PKD1L1: variants seen among roughly 807,000 people sequenced by gnomAD.
The protein encoded by PKD1L1 is polycystin 1 like 1, transient receptor potential channel interacting.
A neutral mutation model predicts 323.4 loss-of-function variants in PKD1L1; 236 were observed. The ratio of observed to expected loss-of-function variants is 0.73; its 90% CI spans 0.66 to 0.81. PKD1L1 has a LOEUF of 0.81. Ranked by LOEUF, PKD1L1 falls within the 40% of genes least tolerant of loss-of-function variation. The probability of loss-of-function intolerance (pLI) is 0.00; values close to 1 mark genes in which losing one functional copy is unlikely to be tolerated. For missense variants in PKD1L1, 3,320 were observed against 3,508.0 expected (o/e 0.95, Z 1.35); for synonymous variants, 1,344 against 1,335.0 (o/e 1.01, Z -0.15).
chr7:47,814,686 G>T (rs531549168), intron 47 of PKD1L1, among the ~76,000 whole-genome samples: 9 of 152,174 alleles, frequency 5.9e-5, no homozygotes, highest in African/African-American at 2.2e-4. Flanking sequence ...GCTAACTTTT[G>T]TATTTTTAGT....
Position 47,813,448 on chromosome 7 carries a change from T to C in PKD1L1, c.7174-155A>G, listed in dbSNP as rs557685312. On this transcript the variant is annotated intron_variant, in intron 48 of 56. Transcript: ENST00000289672. ...TAGGATCGTTCTGCAGCCTGTTTCG[T>C]GGTCTACAGACTCTAGCTCAAGCTA... 95 of 835,572 alleles carry C rather than the reference T, an allele frequency of 1.1e-4. No individual in the cohort carries two copies. In the South Asian group the frequency reaches 1.3e-3, roughly 12 times the overall value. The allele number at this position is 835,572 out of a possible 1,614,324, so 51.8% of individuals were successfully genotyped here.
At chr7:47,832,382 C>T (rs561672303) in intron 41 of PKD1L1, among the ~76,000 whole-genome samples, 2 of 152,346 alleles carry the variant, frequency 1.3e-5, no homozygotes, top group South Asian at 4.1e-4. Context: ...ACGCTGAAGG[C>T]TCACCTGCCT....
chr7:47,803,493 TG>T, intron 52 of PKD1L1, 149 bp from the exon 53 acceptor site: 1 of 873,910 alleles, frequency 1.1e-6, no homozygotes, highest in Non-Finnish European at 1.7e-6. Flanking sequence ...CAAGTGCAGA[TG>T]TCTGCAGAGG....
In PKD1L1 at chr7:47,800,815, ACC is replaced by A. The variant is rs1562935749; in HGVS notation, c.8025_8026del (p.Trp2675CysfsTer34). ...GTCTGTGAAGGTGCCAGGTGGTAGA[ACC>A]CACATAGAGAGCAGAAATCGGTGCA... On this transcript the variant is annotated frameshift_variant, in exon 54 of 57. Transcript: ENST00000289672. LOFTEE classifies it high-confidence loss of function. 1 of 1,614,100 alleles carries A rather than the reference ACC, an allele frequency of 6.2e-7. No individual in the cohort carries two copies. The highest frequency in any genetic ancestry group is 1.7e-5 in the Admixed American group (1 of 60,022).
chr7:47,918,644 GA>G, intron 7 of PKD1L1, among the ~76,000 whole-genome samples: 1 of 152,076 alleles, frequency 6.6e-6, no homozygotes, highest in South Asian at 2.1e-4. Flanking sequence ...ATAAATTTAA[GA>G]AAATCAAAAT....
chr7:47,939,180 G>A (rs547268589), intron 3 of PKD1L1, among the ~76,000 whole-genome samples: 21 of 152,188 alleles, frequency 1.4e-4, no homozygotes, highest in African/African-American at 4.3e-4. Context: ...TTGAACTTTC[G>A]CTGACAAAAG....
In PKD1L1 at chr7:47,877,545, G is replaced by A. The variant is rs1786435720; in HGVS notation, c.3607C>T (p.His1203Tyr). 1.9e-6 allele frequency: 3 copies of A among 1,614,056 alleles called. No homozygotes were observed. Among genetic ancestry groups the A allele is most frequent in the Non-Finnish European group, 1.7e-6 (2 of 1,179,968 alleles). The change falls in exon 22 of 57, where the codon CAC becomes TAC. Residue 1203 changes from histidine (H) to tyrosine (Y), a missense_variant. Physicochemically the swap from His to Tyr is moderately conservative, Grantham distance 83 (BLOSUM62 2). Transcript: ENST00000289672. Reference protein sequence around the residue: ...PRDMACQVQPHHGLEAHTVFS... With the variant: ...PRDMACQVQPYHGLEAHTVFS... ...ACGGTGTGTGCTTCCAGACCATGGT[G>A]GGGCTGCACCTGACAGGCCATGTCC...
chr7:47,885,609 C>A, intron 18 of PKD1L1, 77 bp downstream of exon 18: 1 of 1,525,206 alleles, frequency 6.6e-7, no homozygotes, highest in South Asian at 1.3e-5. Flanking sequence ...CACACCTTAC[C>A]CACCAGATTC....
At chr7:47,878,004 A>C (rs1382771425) in intron 21 of PKD1L1, among the ~76,000 whole-genome samples, 3 of 152,014 alleles carry the variant, frequency 2.0e-5, no homozygotes, top group African/African-American at 4.8e-5. Flanking sequence ...AACCACCCAG[A>C]CAGAAACCGA....
At chr7:47,937,186 A>ATCTG (rs112271121) in intron 3 of PKD1L1, among the ~76,000 whole-genome samples, 1 of 142,936 alleles carries the variant, frequency 7.0e-6, no homozygotes, top group African/African-American at 2.6e-5. Flanking sequence ...CCATAACAGC[A>ATCTG]TCTGCTGGGG....
chr7:47,781,576 T>C (rs1786698518), intron 56 of PKD1L1, among the ~76,000 whole-genome samples: 1 of 151,474 alleles, frequency 6.6e-6, no homozygotes, highest in Non-Finnish European at 1.5e-5. Flanking sequence ...GCCCAGCTAA[T>C]TTTTTTGTAT....
rs971789362 is a variant in PKD1L1 at position 47,840,549 on chromosome 7, C to T, written c.5464G>A (p.Gly1822Ser). 3.7e-6 allele frequency: 6 copies of T among 1,613,798 alleles called. No homozygotes were observed. Among genetic ancestry groups the T allele is most frequent in the Non-Finnish European group, 5.1e-6 (6 of 1,179,830 alleles). ...LTSKVYIVLC[G>S]DNGLSETKEL... ...TTGGTTTCTGACAGTCCATTGTCGC[C>T]ACATAAAACAATGTACACCTCAAAA... The change falls in exon 35 of 57, where the codon GGC becomes AGC. Residue 1822 changes from glycine to serine, a missense_variant. By Grantham distance (56) the Gly-to-Ser change is moderately conservative. Coordinates refer to ENST00000289672, the MANE Select transcript of PKD1L1 (RefSeq NM_138295.5). The surrounding 1 kb of genome is among the most constrained non-coding windows in gnomAD (Gnocchi z 4.1).
In PKD1L1 at chr7:47,846,913, G is replaced by A. The variant is rs766269520; in HGVS notation, c.5119C>T (p.Gln1707Ter). Reference sequence around the variant, plus strand: ...ACTTTTTCAGGAGAAGTCCCTGGTTGTGGAGAGAAACGTTCAGATTTCCAC... The same window carrying A: ...ACTTTTTCAGGAGAAGTCCCTGGTTATGGAGAGAAACGTTCAGATTTCCAC... Reference protein sequence around the residue: ...REWKSERFSPQPGTSPEKVNC... With the variant: ...REWKSERFSP Residue 1707 changes from glutamine (Q) to a stop codon, truncating the protein, a stop_gained, in exon 32 of 57, where the codon CAA becomes TAA. Transcript: ENST00000289672. LOFTEE classifies it high-confidence loss of function. 2 of 1,611,622 alleles carry A rather than the reference G, an allele frequency of 1.2e-6. No homozygotes were observed. Among genetic ancestry groups the A allele is most frequent in the Non-Finnish European group, 1.7e-6 (2 of 1,179,372 alleles).
At chr7:47,818,467 A>G (rs1385113634) in intron 46 of PKD1L1, among the ~76,000 whole-genome samples, 1 of 152,248 alleles carries the variant, frequency 6.6e-6, no homozygotes, top group Non-Finnish European at 1.5e-5. Flanking sequence ...AGTTTGCACC[A>G]CTTTCGGGGA....
intron 3 of PKD1L1, among the ~76,000 whole-genome samples, chr7:47,937,705 C>T (rs80325961): frequency 0.071 from 10,811 of 152,106 alleles, 570 homozygotes; most frequent in Non-Finnish European, 0.1. Context: ...ATGGGGTGGC[C>T]GGGCTGGCTG....
chr7:47,857,529 C>A (rs1445084703), intron 28 of PKD1L1, 76 bp downstream of exon 28: 2 of 1,303,120 alleles, frequency 1.5e-6, no homozygotes, highest in East Asian at 2.3e-5. Context: ...CCTAGTTTCT[C>A]TTTTTGTCAT....
chr7:47,920,735 C>T (rs1787518545), intron 7 of PKD1L1, among the ~76,000 whole-genome samples: 1 of 152,040 alleles, frequency 6.6e-6, no homozygotes, highest in South Asian at 2.1e-4. Context: ...AGAAATAAAC[C>T]CAAACACTTA....
rs187129505 is a variant in PKD1L1 at position 47,796,857 on chromosome 7, G to A, written c.8194-707C>T. Among the ~76,000 whole-genome samples, 433 of 133,964 alleles carry A rather than the reference G, an allele frequency of 3.2e-3. 6 individuals are homozygous for A. The highest frequency in any genetic ancestry group is 0.01 in the African/African-American group (368 of 35,490). The allele number at this position is 133,964 out of a possible 152,430, so 87.9% of individuals were successfully genotyped here. On this transcript the variant is annotated intron_variant, in intron 54 of 56. Coordinates refer to ENST00000289672, the MANE Select transcript of PKD1L1 (RefSeq NM_138295.5). ...AAAAAAAAAAAAAAAAAAATTAGCT[G>A]GGTGTGGTGGTGGGCACCTGTAGTC...
intron 52 of PKD1L1, among the ~76,000 whole-genome samples, chr7:47,803,790 T>A (rs1354742246): frequency 6.6e-6 from 1 of 152,194 alleles, no homozygotes; most frequent in Non-Finnish European, 1.5e-5. Context: ...ACTTTCCAAG[T>A]AGGTTTTTAA....
Sources: allele counts gnomAD v4.1 joint callset (sites outside exome capture counted in the v4.1 genomes callset), GRCh38; gene constraint gnomAD v4.1.1; non-coding constraint Gnocchi (gnomAD v3.1); transcripts MANE v1.5; gene names NCBI Gene and HGNC (gene_info 2026-07-23, HGNC 2026-07-21).